The following PDK3 variants were observed in gnomAD, a reference collection of about 807,000 sequenced individuals.
The protein encoded by PDK3 is pyruvate dehydrogenase kinase, isozyme 3.
A neutral mutation model predicts 32.0 loss-of-function variants in PDK3; 12 were observed. That is an observed-to-expected ratio of 0.37 (90% CI 0.24 to 0.61). The LOEUF (loss-of-function observed/expected upper bound fraction) is 0.61. Among genes scored for constraint, PDK3 ranks in the 20% least tolerant of loss-of-function variants. The pLI is 0.65. For missense variants in PDK3, 188 were observed against 316.9 expected (o/e 0.59, Z 3.09); for synonymous variants, 122 against 116.3 (o/e 1.05, Z -0.31).
intron 1 of PDK3, among the ~76,000 whole-genome samples, chrX:24,469,844 A>G (rs1434991197): frequency 3.6e-5 from 4 of 111,913 alleles, no homozygotes; most frequent in Non-Finnish European, 7.5e-5. Context: ...ATGTTATGGG[A>G]TACATATAGT....
chrX:24,518,903 C>CAGCAGCTACAT, intron 5 of PDK3, 30 bp from the exon 6 acceptor site: 3 of 1,007,785 alleles, frequency 3.0e-6, no homozygotes, highest in Non-Finnish European at 4.2e-6. Context: ...GTTATTAGTA[C>CAGCAGCTACAT]AGCAGCTAAA....
chrX:24,497,178 G>A (rs1239596643), intron 2 of PDK3, among the ~76,000 whole-genome samples: 1 of 111,457 alleles, frequency 9.0e-6, no homozygotes, highest in Non-Finnish European at 1.9e-5. Flanking sequence ...GTGGCAGGGC[G>A]GAGGGCATCA....
exon 12 of PDK3, chrX:24,549,888 C>T (rs1198895844): frequency 8.9e-6 from 1 of 111,973 alleles, no homozygotes; most frequent in African/African-American, 3.2e-5. Context: ...AAATAAGAAA[C>T]AGCACTGTGG....
chrX:24,493,882 A>G (rs1306163084), intron 1 of PDK3, among the ~76,000 whole-genome samples: 1 of 112,196 alleles, frequency 8.9e-6, no homozygotes, highest in African/African-American at 3.2e-5. Flanking sequence ...CCCAGCCACC[A>G]TGGAGTTTCC....
At chrX:24,540,645 A>G (rs1353173657) in exon 12 of PDK3, among the ~76,000 whole-genome samples, 1 of 110,322 alleles carries the variant, frequency 9.1e-6, no homozygotes, top group Non-Finnish European at 1.9e-5. Flanking sequence ...TCATCTTTAG[A>G]AAGAGCTCAT....
intron 9 of PDK3, among the ~76,000 whole-genome samples, chrX:24,528,433 GA>G (rs1249700429): frequency 8.9e-6 from 1 of 112,175 alleles, no homozygotes; most frequent in Non-Finnish European, 1.9e-5. Context: ...CATATACAGA[GA>G]AAAAGTACCT....
chrX:24,469,703 A>G (rs1321841024), intron 1 of PDK3, among the ~76,000 whole-genome samples: 2 of 111,338 alleles, frequency 1.8e-5, no homozygotes, highest in Admixed American at 1.9e-4. Flanking sequence ...CTGAGACAGG[A>G]GGATGGCTTG....
chrX:24,479,510 A>T (rs1921195340), intron 1 of PDK3, among the ~76,000 whole-genome samples: 1 of 111,886 alleles, frequency 8.9e-6, no homozygotes, highest in Non-Finnish European at 1.9e-5. Context: ...TTGGCTGGGC[A>T]CAGTGACTCA....
intron 2 of PDK3, among the ~76,000 whole-genome samples, chrX:24,495,613 A>G (rs1466845543): frequency 1.8e-5 from 2 of 112,571 alleles, no homozygotes; most frequent in African/African-American, 3.2e-5. Context: ...AGGGCAAGGT[A>G]TGGGGGGACA....
At chrX:24,491,830 G>C (rs992352211) in intron 1 of PDK3, among the ~76,000 whole-genome samples, 4 of 110,870 alleles carry the variant, frequency 3.6e-5, no homozygotes, top group Admixed American at 9.6e-5. Flanking sequence ...CACCTACCTG[G>C]GAGGCTGAGG....
chrX:24,486,813 T>G (rs2148185126), intron 1 of PDK3, among the ~76,000 whole-genome samples: 1 of 111,188 alleles, frequency 9.0e-6, no homozygotes, highest in South Asian at 3.9e-4. Context: ...TATTTTTTTG[T>G]GGAGACTGGG....
At chrX:24,531,854 TC>T in intron 10 of PDK3, 84 bp downstream of exon 10, 1 of 473,797 alleles carries the variant, frequency 2.1e-6, no homozygotes, top group East Asian at 3.6e-5. Flanking sequence ...CAGCACTGTA[TC>T]ATCTCTTAGA....
At chrX:24,490,644 C>T (rs949351554) in intron 1 of PDK3, among the ~76,000 whole-genome samples, 13 of 111,999 alleles carry the variant, frequency 1.2e-4, no homozygotes, top group African/African-American at 3.2e-4. Flanking sequence ...TATTTCACTG[C>T]AGCTATGTTG....
chrX:24,500,875 C>T (rs1351592684), intron 3 of PDK3, among the ~76,000 whole-genome samples: 4 of 111,602 alleles, frequency 3.6e-5, no homozygotes, highest in Non-Finnish European at 5.6e-5. Context: ...TGAGGTAAGT[C>T]TCCCCACTTC....
At chrX:24,492,545 T>C (rs1444633931) in intron 1 of PDK3, among the ~76,000 whole-genome samples, 3 of 111,323 alleles carry the variant, frequency 2.7e-5, no homozygotes, top group African/African-American at 9.8e-5. Context: ...GCGGAGATCA[T>C]GCCACTGCAC....
chrX:24,510,306 G>T (rs751202931), intron 5 of PDK3, among the ~76,000 whole-genome samples: 1 of 112,281 alleles, frequency 8.9e-6, no homozygotes, highest in Admixed American at 9.4e-5. Context: ...TAATGTTTAC[G>T]ATAGTAATCA....
intron 3 of PDK3, among the ~76,000 whole-genome samples, chrX:24,501,739 G>T (rs1285841588): frequency 8.9e-6 from 1 of 112,131 alleles, no homozygotes; most frequent in African/African-American, 3.2e-5. Context: ...CAAACAAACA[G>T]CTGTTCACCT....
chrX:24,524,885 C>T (rs1248064431), intron 6 of PDK3, among the ~76,000 whole-genome samples: 17 of 112,297 alleles, frequency 1.5e-4, no homozygotes, highest in Admixed American at 1.3e-3. Context: ...AGGCCAGGCA[C>T]GGTGGCTCAC....
chrX:24,532,484 C>A (rs1470233261), intron 10 of PDK3, among the ~76,000 whole-genome samples: 2 of 111,934 alleles, frequency 1.8e-5, no homozygotes, highest in Non-Finnish European at 3.8e-5. Flanking sequence ...CATTTAATAA[C>A]AAACTTCTCT....
Sources: allele counts gnomAD v4.1 joint callset (sites outside exome capture counted in the v4.1 genomes callset), GRCh38; gene constraint gnomAD v4.1.1; transcripts MANE v1.5; gene names NCBI Gene and HGNC (gene_info 2026-07-23, HGNC 2026-07-21).